ACTA1: variants seen among roughly 807,000 people sequenced by gnomAD.
The protein encoded by ACTA1 is actin alpha 1, skeletal muscle.
In ACTA1, 25 loss-of-function variants were observed where a neutral mutation model predicts 35.8. The observed-to-expected ratio is 0.70, with a 90% CI of 0.51 to 0.97. The LOEUF (loss-of-function observed/expected upper bound fraction) is 0.97, where lower values mean the gene tolerates loss of function less well. Ranked by LOEUF, ACTA1 falls within the 50% of genes least tolerant of loss-of-function variation. ACTA1 has a pLI of 0.00. For synonymous variants in ACTA1, 219 were observed against 217.1 expected (o/e 1.01, Z -0.08); for missense variants, 174 against 533.0 (o/e 0.33, Z 6.63).
intron 1 of ACTA1, 140 bp from the exon 2 acceptor site, chr1:229,433,267 T>C: frequency 7.9e-7 from 1 of 1,273,710 alleles, no homozygotes. Context: ...CCACTCAAAT[T>C]CTGCCAGGGC....
In ACTA1 at chr1:229,432,696, G is replaced by T; in HGVS notation, c.314C>A (p.Thr105Asn). The change falls in exon 3 of 7, where the codon ACC becomes AAC. Residue 105 changes from threonine (T) to asparagine (N), a missense_variant. Coordinates refer to ENST00000366684, the MANE Select transcript of ACTA1 (RefSeq NM_001100.4). ...ATTGAGGGGGGCCTCGGTGAGCAGGGTGGGGTGCTCCTCGGGAGCCACGCG... is the reference window on the plus strand; with the variant it reads ...ATTGAGGGGGGCCTCGGTGAGCAGGTTGGGGTGCTCCTCGGGAGCCACGCG... Reference protein sequence around the residue: ...ELRVAPEEHPTLLTEAPLNPK... With the variant: ...ELRVAPEEHPNLLTEAPLNPK... 3 of 1,614,208 alleles carry T rather than the reference G, an allele frequency of 1.9e-6. No homozygotes were observed. The highest frequency in any genetic ancestry group is 2.5e-6 in the Non-Finnish European group (3 of 1,180,030).
intron 1 of ACTA1, among the ~76,000 whole-genome samples, chr1:229,433,420 C>T (rs1659996888): frequency 6.6e-6 from 1 of 152,214 alleles, no homozygotes; most frequent in Non-Finnish European, 1.5e-5. Context: ...ACCTGTCTGC[C>T]CTCCCTGCCT....
In ACTA1 at chr1:229,433,198, A is replaced by G. The variant is rs562718007; in HGVS notation, c.-12-71T>C. ...GAAGTCTCAGCGGCAGGGGGGGGTA[A>G]GCCTGGCTGGCCCCGACGTCCTCCC... is the stretch of plus-strand genomic sequence containing the variant. On this transcript the variant is annotated intron_variant, in intron 1 of 6. Transcript: ENST00000366684. 14 of 1,603,498 alleles carry G rather than the reference A, an allele frequency of 8.7e-6. No homozygotes were observed. The Admixed American group carries it at 1.2e-4, about 13-fold the overall frequency.
Position 229,431,751 on chromosome 1 carries a change from G to A in ACTA1, c.960C>T (p.Thr320=), listed in dbSNP as rs1571892542. Residue 320 remains threonine, a synonymous_variant, in exon 6 of 7, where the codon ACC becomes ACT. Coordinates refer to ENST00000366684, the MANE Select transcript of ACTA1 (RefSeq NM_001100.4). The surrounding 1 kb of genome is among the most constrained non-coding windows in gnomAD (Gnocchi z 7.1). ...TCTTCATGGTGCTGGGTGCCAGCGC[G>A]GTGATCTCTTTCTGCATGCGGTCAG... ...GIADRMQKEI[T]ALAPSTMKIK... 1.2e-6 allele frequency: 2 copies of A among 1,614,180 alleles called. No homozygotes were observed. Among genetic ancestry groups the A allele is most frequent in the Non-Finnish European group, 8.5e-7 (1 of 1,180,018 alleles).
In ACTA1 at chr1:229,432,090, GGGA is replaced by G. The variant is rs770509913; in HGVS notation, c.709_711del (p.Ser237del). The G allele has an allele frequency of 1.2e-6, 2 of 1,612,956 alleles. No homozygotes were observed. The highest frequency in any genetic ancestry group is 1.3e-5 in the African/African-American group (1 of 74,884). Reference sequence around the variant, plus strand: ...TCTGGCAGCTCGTAGCTCTTTTCCAGGGAGGAGGAGGAGGCGGCCGTCGCCATC... The same window carrying G: ...TCTGGCAGCTCGTAGCTCTTTTCCAGGGAGGAGGAGGCGGCCGTCGCCATC... On this transcript the variant is annotated inframe_deletion, in exon 5 of 7. Transcript: ENST00000366684.
In ACTA1 at chr1:229,431,923, C is replaced by A. The variant is rs777628810; in HGVS notation, c.809-21G>T. The A allele has an allele frequency of 3.7e-6, 6 of 1,606,000 alleles. No individual in the cohort carries two copies. In the African/African-American group the frequency reaches 6.9e-5, roughly 18 times the overall value. On this transcript the variant is annotated intron_variant, in intron 5 of 6. Transcript: ENST00000366684. The surrounding 1 kb of genome is among the most constrained non-coding windows in gnomAD (Gnocchi z 7.1). The stretch of plus-strand genomic sequence containing the variant: ...CATACCTGGGGACCGCGGCGGGGAG[C>A]GTGAGCAGAAGCTCGGGGCGCCGGG...
rs1301902450 is a variant in ACTA1 at position 229,431,904 on chromosome 1, T to A, written c.809-2A>T. On this transcript the variant is annotated splice_acceptor_variant, in intron 5 of 6. Transcript: ENST00000366684. LOFTEE classifies it high-confidence loss of function. This position sits in a 1 kb window ranked among gnomAD's most constrained non-coding sequence, Gnocchi z 7.1. ...CGTGAATGCCCGCCGACTCCATACC[T>A]GGGGACCGCGGCGGGGAGCGTGAGC... is the stretch of plus-strand genomic sequence containing the variant. 4 of 1,609,476 alleles carry A rather than the reference T, an allele frequency of 2.5e-6. No homozygotes were observed. The highest frequency in any genetic ancestry group is 2.5e-6 in the Non-Finnish European group (3 of 1,178,084).
Position 229,431,367 on chromosome 1 carries a change from C to G in ACTA1, c.*132G>C, listed in dbSNP as rs1571892022. On this transcript the variant is annotated 3_prime_UTR_variant, in exon 7 of 7. Coordinates refer to ENST00000366684, the MANE Select transcript of ACTA1 (RefSeq NM_001100.4). The surrounding 1 kb of genome is among the most constrained non-coding windows in gnomAD (Gnocchi z 7.1). ...TTAATGTATGTACACGTTATAAACA[C>G]TGTGTCAGTTTACGATGGCAGCAAC... 1 of 1,203,844 alleles carries G rather than the reference C, an allele frequency of 8.3e-7. No homozygotes were observed. The highest frequency in any genetic ancestry group is 1.5e-5 in the African/African-American group (1 of 66,776). The allele number at this position is 1,203,844 out of a possible 1,614,324, so 74.6% of individuals were successfully genotyped here. A position where few individuals can be genotyped will look rare whatever the true frequency, so the allele number is the denominator to read the frequency against.
chr1:229,431,918 G>C lies in ACTA1; in HGVS notation c.809-16C>G, dbSNP rs1659946510. ...GACTCCATACCTGGGGACCGCGGCG[G>C]GGAGCGTGAGCAGAAGCTCGGGGCG... On this transcript the variant is annotated splice_polypyrimidine_tract_variant and intron_variant, in intron 5 of 6. Coordinates refer to ENST00000366684, the MANE Select transcript of ACTA1 (RefSeq NM_001100.4). The surrounding 1 kb of genome is among the most constrained non-coding windows in gnomAD (Gnocchi z 7.1). 6.2e-7 allele frequency: 1 copy of C among 1,611,004 alleles called. No individual in the cohort carries two copies. Among genetic ancestry groups the C allele is most frequent in the African/African-American group, 1.3e-5 (1 of 74,362 alleles).
intron 1 of ACTA1, 34 bp from the exon 2 acceptor site, chr1:229,433,161 T>G (rs1571894315): frequency 6.2e-7 from 1 of 1,613,010 alleles, no homozygotes; most frequent in Non-Finnish European, 8.5e-7. Context: ...AGAGGCGCGG[T>G]GCATCAGCGC....
intron 1 of ACTA1, 31 bp from the exon 2 acceptor site, chr1:229,433,158 C>A (rs1239699007): frequency 6.2e-7 from 1 of 1,612,682 alleles, no homozygotes; most frequent in Non-Finnish European, 8.5e-7. Flanking sequence ...CGAAGAGGCG[C>A]GGTGCATCAG....
chr1:229,433,376 C>G (rs1271541038), intron 1 of ACTA1, among the ~76,000 whole-genome samples: 1 of 152,216 alleles, frequency 6.6e-6, no homozygotes, highest in African/African-American at 2.4e-5. Context: ...GAGAAGTCCT[C>G]TGTCCACATA....
At position 229,432,866 on chromosome 1, in the gene ACTA1, A is replaced by C. The variant is rs1265100143; in HGVS notation, c.144T>G (p.Gly48=). The change falls in exon 3 of 7, where the codon GGT becomes GGG. Residue 48 remains glycine, a synonymous_variant. Transcript: ENST00000366684. The part of the protein sequence containing the change: ...GRPRHQGVMV[G]MGQKDSYVGD... The stretch of plus-strand genomic sequence containing the variant: ...CCACGTAGGAATCTTTCTGACCCAT[A>C]CCGACCATGACGCCCTGCAGAGCCG... 1.2e-6 allele frequency: 2 copies of C among 1,614,054 alleles called. No individual in the cohort carries two copies. The highest frequency in any genetic ancestry group is 1.6e-4 in the Middle Eastern group (1 of 6,062).
chr1:229,433,096 G>GTC lies in ACTA1; in HGVS notation c.18_19dup (p.Thr7ArgfsTer14), dbSNP rs1388896155. 6.2e-7 allele frequency: 1 copy of GTC among 1,614,186 alleles called. No homozygotes were observed. Among genetic ancestry groups the GTC allele is most frequent in the Non-Finnish European group, 8.5e-7 (1 of 1,180,008 alleles). On this transcript the variant is annotated frameshift_variant, in exon 2 of 7. Transcript: ENST00000366684. LOFTEE classifies it high-confidence loss of function. ...GCCATTGTCGCACACGAGGGCGGTG[G>GTC]TCTCGTCTTCGTCGCACATTGTGTC...
chr1:229,431,547 C>T lies in ACTA1; in HGVS notation c.1086G>A (p.Gln362=). The part of the protein sequence containing the change: ...STFQQMWITK[Q]EYDEAGPSIV... ...TGGAAGGGCCGGCCTCGTCGTACTC[C>T]TGCTTGGTGATCCACATCTGCTGGA... is the stretch of plus-strand genomic sequence containing the variant. The change falls in exon 7 of 7, where the codon CAG becomes CAA. Residue 362 remains glutamine, a synonymous_variant. Coordinates refer to ENST00000366684, the MANE Select transcript of ACTA1 (RefSeq NM_001100.4). This position sits in a 1 kb window ranked among gnomAD's most constrained non-coding sequence, Gnocchi z 7.1. 6.2e-7 allele frequency: 1 copy of T among 1,613,866 alleles called. No individual in the cohort carries two copies. Among genetic ancestry groups the T allele is most frequent in the Non-Finnish European group, 8.5e-7 (1 of 1,180,034 alleles).
At chr1:229,433,191 G>T (rs1031564953) in intron 1 of ACTA1, 64 bp from the exon 2 acceptor site, 53 of 1,608,930 alleles carry the variant, frequency 3.3e-5, no homozygotes, top group South Asian at 1.8e-4. Flanking sequence ...AGCGGCAGGG[G>T]GGGGTAAGCC....
chr1:229,432,424 C>A lies in ACTA1; in HGVS notation c.462G>T (p.Val154=), dbSNP rs746374077. 87 of 1,610,200 alleles carry A rather than the reference C, an allele frequency of 5.4e-5. No individual in the cohort carries two copies. The highest frequency in any genetic ancestry group is 6.9e-5 in the Non-Finnish European group (81 of 1,178,914). The part of the protein sequence containing the change: ...LYASGRTTGI[V]LDSGDGVTHN... ...GGGTGACGCCGTCGCCGGAGTCCAG[C>A]ACGATGCCTGTGCGCGCGCGGGAGA... is the stretch of plus-strand genomic sequence containing the variant. The change falls in exon 4 of 7, where the codon GTG becomes GTT. Residue 154 remains valine (V), a synonymous_variant. Coordinates refer to ENST00000366684, the MANE Select transcript of ACTA1 (RefSeq NM_001100.4).
chr1:229,431,657 G>A lies in ACTA1; in HGVS notation c.991-15C>T, dbSNP rs200311383. On this transcript the variant is annotated splice_polypyrimidine_tract_variant and intron_variant, in intron 6 of 6. Coordinates refer to ENST00000366684, the MANE Select transcript of ACTA1 (RefSeq NM_001100.4). The surrounding 1 kb of genome is among the most constrained non-coding windows in gnomAD (Gnocchi z 7.1). ...GGGGCGATGATCTGCAAGACAGCGC[G>A]TGAGGTGGGGAGACCTCACCCTGGA... 2.7e-5 allele frequency: 44 copies of A among 1,614,016 alleles called. No individual in the cohort carries two copies. The East Asian group carries it at 4.7e-4, about 17-fold the overall frequency.
Position 229,432,546 on chromosome 1 carries a change from G to C in ACTA1, c.454+10C>G, listed in dbSNP as rs1259209386. On this transcript the variant is annotated intron_variant, in intron 3 of 6. Transcript: ENST00000366684. ...GGCGGGAGAGGGGACTGGGGGCAGC[G>C]GGCACTCACCGGTGGTCCTGCCGGA... The C allele has an allele frequency of 1.9e-6, 3 of 1,604,674 alleles. No individual in the cohort carries two copies. Among genetic ancestry groups the C allele is most frequent in the East Asian group, 4.5e-5 (2 of 44,794 alleles).
Sources: gnomAD v4.1 joint callset for allele counts (sites outside exome capture counted in the v4.1 genomes callset) on GRCh38, gnomAD v4.1.1 for gene constraint, Gnocchi (gnomAD v3.1) non-coding constraint, MANE v1.5 for transcripts, NCBI Gene and HGNC (gene_info 2026-07-23, HGNC 2026-07-21) for gene names.